Variants in ST8SIA2 observed in about 807,000 individuals in gnomAD.
ST8SIA2 encodes ST8 alpha-N-acetyl-neuraminide alpha-2,8-sialyltransferase 2, also known as alpha-2,8-sialyltransferase 8B.
A neutral mutation model predicts 37.6 loss-of-function variants in ST8SIA2; 22 were observed. The ratio of observed to expected loss-of-function variants is 0.58; its 90% CI spans 0.42 to 0.83. ST8SIA2 has a LOEUF of 0.83. Ranked by LOEUF, ST8SIA2 falls within the 40% of genes least tolerant of loss-of-function variation. The pLI, the probability that ST8SIA2 is intolerant of heterozygous loss-of-function variation, is 0.00. For missense variants in ST8SIA2, 382 were observed against 484.7 expected (o/e 0.79, Z 1.99); for synonymous variants, 205 against 201.2 (o/e 1.02, Z -0.16).
chr15:92,427,976 C>T (rs770277939), intron 1 of ST8SIA2, among the ~76,000 whole-genome samples: 29 of 152,130 alleles, frequency 1.9e-4, no homozygotes, highest in African/African-American at 7.0e-4. Flanking sequence ...AAGGGAGACT[C>T]GGTCTCAAAA....
At chr15:92,409,390 CTT>C (rs1442891663) in intron 1 of ST8SIA2, among the ~76,000 whole-genome samples, 1 of 152,170 alleles carries the variant, frequency 6.6e-6, no homozygotes, top group Non-Finnish European at 1.5e-5. Flanking sequence ...AATGTGTTGA[CTT>C]TGGGATTTGT....
At chr15:92,442,101 A>G (rs2049807458) in intron 4 of ST8SIA2, among the ~76,000 whole-genome samples, 1 of 152,228 alleles carries the variant, frequency 6.6e-6, no homozygotes, top group South Asian at 2.1e-4. Flanking sequence ...CCTCCTTCTC[A>G]ACTAAATGAA....
chr15:92,394,440 C>A (rs968348422), intron 1 of ST8SIA2, among the ~76,000 whole-genome samples: 1 of 152,114 alleles, frequency 6.6e-6, no homozygotes, highest in Non-Finnish European at 1.5e-5. Context: ...ACCCTGCCCC[C>A]CTGCCTGGCG....
At position 92,467,684 on chromosome 15, in the gene ST8SIA2, C is replaced by T. The variant is rs1377246704; in HGVS notation, c.*3299C>T. ...GATTGACAAAGGAATCAAGGTAGAT[C>T]TGACCAGTATTCCCCTCTCTTCTCC... is the stretch of plus-strand genomic sequence containing the variant. On this transcript the variant is annotated 3_prime_UTR_variant, in exon 6 of 6. Transcript: ENST00000268164. The T allele has an allele frequency of 6.6e-6, 1 of 152,304 alleles. No individual in the cohort carries two copies. Among genetic ancestry groups the T allele is most frequent in the African/African-American group, 2.4e-5 (1 of 41,392 alleles). 9.4% of individuals were successfully genotyped at this position (152,304 alleles called of 1,614,324 possible).
At chr15:92,399,030 G>T (rs2049451919) in intron 1 of ST8SIA2, among the ~76,000 whole-genome samples, 1 of 152,176 alleles carries the variant, frequency 6.6e-6, no homozygotes, top group South Asian at 2.1e-4. Flanking sequence ...GCTAAGTTCA[G>T]TGCCATGCTG....
At chr15:92,461,882 C>T (rs2049960072) in intron 5 of ST8SIA2, among the ~76,000 whole-genome samples, 1 of 152,228 alleles carries the variant, frequency 6.6e-6, no homozygotes, top group Admixed American at 6.5e-5. Context: ...TCAGTGTCCA[C>T]AAACACTTGC....
chr15:92,438,971 G>A (rs886906296), intron 4 of ST8SIA2, among the ~76,000 whole-genome samples: 2 of 152,196 alleles, frequency 1.3e-5, no homozygotes, highest in Non-Finnish European at 2.9e-5. Context: ...CATGCCACCC[G>A]TTTTCATATC....
intron 3 of ST8SIA2, among the ~76,000 whole-genome samples, chr15:92,434,948 G>A (rs994665604): frequency 6.6e-6 from 1 of 152,224 alleles, no homozygotes; most frequent in Admixed American, 6.5e-5. Context: ...GTCCTGATCT[G>A]TGCAGAGTGA....
At position 92,444,657 on chromosome 15, in the gene ST8SIA2, G is replaced by A. The variant is rs376005726; in HGVS notation, c.570G>A (p.Gln190=). 4 of 1,614,130 alleles carry A rather than the reference G, an allele frequency of 2.5e-6. No homozygotes were observed. In the African/African-American group the frequency reaches 5.3e-5, roughly 22 times the overall value. Residue 190 remains glutamine, a synonymous_variant, in exon 5 of 6, where the codon CAG becomes CAA. Coordinates refer to ENST00000268164, the MANE Select transcript of ST8SIA2 (RefSeq NM_006011.4). The part of the protein sequence containing the change: ...FVIRCNLAPV[Q]EYARDVGLKT... ...GCAGGTGCAACCTGGCCCCAGTACA[G>A]GAGTATGCCCGGGATGTGGGGCTCA...
intron 5 of ST8SIA2, among the ~76,000 whole-genome samples, chr15:92,446,459 G>C (rs960476918): frequency 6.6e-6 from 1 of 152,168 alleles, no homozygotes; most frequent in Non-Finnish European, 1.5e-5. Context: ...AGTAGACATA[G>C]ATCCTGCCTC....
Position 92,464,265 on chromosome 15 carries a change from G to T in ST8SIA2, c.1008G>T (p.Lys336Asn), listed in dbSNP as rs368300193. The change falls in exon 6 of 6, where the codon AAG (lysine) becomes AAT (asparagine). Residue 336 changes from lysine to asparagine, a missense_variant. Transcript: ENST00000268164. Reference sequence around the variant, plus strand: ...AGTACCACTATTATGACAGCCTCAAGTATGGCTACACCTCCCAGGCCAGCC... The same window carrying T: ...AGTACCACTATTATGACAGCCTCAATTATGGCTACACCTCCCAGGCCAGCC... ...PVKYHYYDSLKYGYTSQASPH... is the reference protein window; with the variant it reads ...PVKYHYYDSLNYGYTSQASPH... 4.6e-5 allele frequency: 75 copies of T among 1,613,820 alleles called. 1 individual carries two copies. The highest frequency in any genetic ancestry group is 1.6e-4 in the Middle Eastern group (1 of 6,084).
chr15:92,399,851 A>T (rs1596227092), intron 1 of ST8SIA2, among the ~76,000 whole-genome samples: 1 of 152,232 alleles, frequency 6.6e-6, no homozygotes, highest in Non-Finnish European at 1.5e-5. Flanking sequence ...AGGTTTTACA[A>T]ATTGGAAATG....
In ST8SIA2 at chr15:92,450,499, C is replaced by T. The variant is rs115602958; in HGVS notation, c.842+5570C>T. Among the ~76,000 whole-genome samples the T allele has an allele frequency of 2.2e-3, 340 of 152,268 alleles. 2 individuals carry two copies. Among genetic ancestry groups the T allele is most frequent in the African/African-American group, 7.7e-3 (319 of 41,542 alleles). On this transcript the variant is annotated intron_variant, in intron 5 of 5. Transcript: ENST00000268164. ...TCTGCAGGCTCGCCAGGAATCATAG[C>T]GGCTTCAGCTTCTGGGGAGACCTTA...
intron 4 of ST8SIA2, among the ~76,000 whole-genome samples, chr15:92,441,126 C>T (rs971747134): frequency 1.4e-4 from 21 of 152,246 alleles, no homozygotes; most frequent in African/African-American, 4.8e-4. Flanking sequence ...TTCACCCTAC[C>T]TCCTCTGTGG....
intron 1 of ST8SIA2, among the ~76,000 whole-genome samples, chr15:92,406,784 C>T (rs1348604985): frequency 1.3e-5 from 2 of 151,940 alleles, no homozygotes; most frequent in Non-Finnish European, 2.9e-5. Context: ...TCACTTGAGC[C>T]CAGGAGTTCG....
intron 5 of ST8SIA2, among the ~76,000 whole-genome samples, chr15:92,449,461 C>T (rs2049866687): frequency 6.6e-6 from 1 of 152,214 alleles, no homozygotes; most frequent in African/African-American, 2.4e-5. Context: ...AATAGTGCTG[C>T]TATGAACATG....
At position 92,444,655 on chromosome 15, in the gene ST8SIA2, C is replaced by A. The variant is rs2049827279; in HGVS notation, c.568C>A (p.Gln190Lys). The change falls in exon 5 of 6, where the codon CAG becomes AAG. Residue 190 changes from glutamine (Q) to lysine (K), a missense_variant. Gln to Lys is a moderately conservative substitution (Grantham distance 53). Transcript: ENST00000268164. ...FVIRCNLAPV[Q>K]EYARDVGLKT... ...CGGCAGGTGCAACCTGGCCCCAGTA[C>A]AGGAGTATGCCCGGGATGTGGGGCT... 3 of 1,614,128 alleles carry A rather than the reference C, an allele frequency of 1.9e-6. No homozygotes were observed. The highest frequency in any genetic ancestry group is 2.5e-6 in the Non-Finnish European group (3 of 1,180,044).
At chr15:92,423,738 T>C (rs1447635317) in intron 1 of ST8SIA2, among the ~76,000 whole-genome samples, 2 of 152,232 alleles carry the variant, frequency 1.3e-5, no homozygotes. Context: ...CCTAAACACC[T>C]GCCATTAGGC....
intron 1 of ST8SIA2, among the ~76,000 whole-genome samples, chr15:92,408,936 C>T (rs2049529348): frequency 6.6e-6 from 1 of 152,038 alleles, no homozygotes; most frequent in African/African-American, 2.4e-5. Context: ...GAGTTCCTGA[C>T]CTCATGATCC....
Sources: gnomAD v4.1 joint callset for allele counts (sites outside exome capture counted in the v4.1 genomes callset) on GRCh38, gnomAD v4.1.1 for gene constraint, MANE v1.5 for transcripts, NCBI Gene and HGNC (gene_info 2026-07-23, HGNC 2026-07-21) for gene names.